EPHA4: variants seen among roughly 807,000 people sequenced by gnomAD.
EPHA4 encodes ephrin type-A receptor 4.
Under a neutral mutation model 108.3 loss-of-function variants are expected in EPHA4, and 19 were observed. The observed-to-expected ratio is 0.18, with a 90% CI of 0.12 to 0.26. The LOEUF (loss-of-function observed/expected upper bound fraction) is 0.26, where lower values mean the gene tolerates loss of function less well. Among genes scored for constraint, EPHA4 ranks in the 10% least tolerant of loss-of-function variants. The pLI is 1.00. For missense variants in EPHA4, 917 were observed against 1,254.0 expected (o/e 0.73, Z 4.06); for synonymous variants, 449 against 455.5 (o/e 0.99, Z 0.18).
rs761616774 is a variant in EPHA4 at position 221,572,177 on chromosome 2, C to T, written c.72G>A (p.Arg24=). The change falls in exon 1 of 18, where the codon AGG becomes AGA. Residue 24 remains arginine (R), a synonymous_variant. Coordinates refer to ENST00000281821, the MANE Select transcript of EPHA4 (RefSeq NM_004438.5). ...TCTTACCTTCATTCGCGGGGTATAC[C>T]CTGGAACCTGTGACAGCGTCGCAAA... ...FGICDAVTGS[R]VYPANEVTLL... 1 of 1,614,056 alleles carries T rather than the reference C, an allele frequency of 6.2e-7. No individual in the cohort carries two copies. The highest frequency in any genetic ancestry group is 1.1e-5 in the South Asian group (1 of 91,088).
At chr2:221,435,723 C>T (rs1416823089) in intron 13 of EPHA4, among the ~76,000 whole-genome samples, 1 of 152,104 alleles carries the variant, frequency 6.6e-6, no homozygotes, top group Non-Finnish European at 1.5e-5. Flanking sequence ...ACTTAAAACT[C>T]TTCACTGTGT....
chr2:221,479,699 T>C (rs1691762063), intron 5 of EPHA4, among the ~76,000 whole-genome samples: 1 of 152,214 alleles, frequency 6.6e-6, no homozygotes, highest in Non-Finnish European at 1.5e-5. Context: ...GGTTTGTTAA[T>C]CAAAGATAAA....
chr2:221,472,013 A>G (rs1691500770), intron 5 of EPHA4, among the ~76,000 whole-genome samples: 1 of 152,152 alleles, frequency 6.6e-6, no homozygotes, highest in Non-Finnish European at 1.5e-5. Context: ...CCTCCTGGGA[A>G]CCCTATAGGA....
At chr2:221,572,307 G>C, upstream of EPHA4, 1 of 1,475,698 alleles carries the variant, frequency 6.8e-7, no homozygotes, top group Non-Finnish European at 9.5e-7. Flanking sequence ...AAATGCTTAA[G>C]TTAGGAGAGC....
chr2:221,505,264 G>A (rs1388856996), intron 3 of EPHA4, among the ~76,000 whole-genome samples: 1 of 152,082 alleles, frequency 6.6e-6, no homozygotes, highest in African/African-American at 2.4e-5. Flanking sequence ...CATGTTGAAA[G>A]CAATAATGTT....
In EPHA4 at chr2:221,564,254, C is replaced by A; in HGVS notation, c.300G>T (p.Glu100Asp). The change falls in exon 3 of 18, where the codon GAG becomes GAT. Residue 100 changes from glutamate (E) to aspartate (D), a missense_variant. Coordinates refer to ENST00000281821, the MANE Select transcript of EPHA4 (RefSeq NM_004438.5). ...TREGAQRVYI[E>D]IKFTLRDCNS... is the part of the protein sequence containing the mutation. ...TGCAGTCCCTCAAGGTGAATTTAAT[C>A]TCAATATACACCCTCTGAGCCCCTT... The A allele has an allele frequency of 1.9e-6, 3 of 1,614,156 alleles. No individual in the cohort carries two copies. The highest frequency in any genetic ancestry group is 2.5e-6 in the Non-Finnish European group (3 of 1,180,022).
chr2:221,553,601 C>T (rs1292204072), intron 3 of EPHA4, among the ~76,000 whole-genome samples: 1 of 152,184 alleles, frequency 6.6e-6, no homozygotes, highest in African/African-American at 2.4e-5. Flanking sequence ...GCGATTGTTA[C>T]AGAAACATTT....
At chr2:221,502,650 A>C (rs1692517997) in intron 3 of EPHA4, 1 of 467,430 alleles carries the variant, frequency 2.1e-6, no homozygotes, top group African/African-American at 2.0e-5. Flanking sequence ...AGTCTGTTCC[A>C]CCCACTCGCA....
At chr2:221,522,036 A>C (rs979091247) in intron 3 of EPHA4, among the ~76,000 whole-genome samples, 1 of 152,186 alleles carries the variant, frequency 6.6e-6, no homozygotes, top group Non-Finnish European at 1.5e-5. Context: ...AATAGGCCGG[A>C]AATACAGAGC....
chr2:221,456,456 A>G (rs901647750), intron 7 of EPHA4, among the ~76,000 whole-genome samples, 157 bp downstream of exon 7: 6 of 152,234 alleles, frequency 3.9e-5, no homozygotes, highest in Non-Finnish European at 8.8e-5. Context: ...TTTCTAAGTT[A>G]CAGACATTGG....
At chr2:221,509,407 A>C (rs1029043163) in intron 3 of EPHA4, among the ~76,000 whole-genome samples, 4 of 152,200 alleles carry the variant, frequency 2.6e-5, no homozygotes, top group Admixed American at 2.6e-4. Flanking sequence ...TGAGGAGACT[A>C]AACTCCAAAA....
intron 3 of EPHA4, among the ~76,000 whole-genome samples, chr2:221,555,451 G>A (rs574922273): frequency 6.6e-6 from 1 of 152,282 alleles, no homozygotes; most frequent in African/African-American, 2.4e-5. Context: ...GACAGCTGAC[G>A]ACCTGCATTC....
chr2:221,490,145 C>CAA (rs34398551), intron 4 of EPHA4, among the ~76,000 whole-genome samples: 8 of 102,778 alleles, frequency 7.8e-5, no homozygotes, highest in Non-Finnish European at 1.2e-4. Context: ...GACCCTGTCT[C>CAA]AAAAAAAAAA....
chr2:221,422,755 C>G (rs920677613), intron 17 of EPHA4, among the ~76,000 whole-genome samples: 3 of 152,158 alleles, frequency 2.0e-5, no homozygotes, highest in Admixed American at 2.0e-4. Context: ...ACTAAATAAA[C>G]AAAGGCTTGT....
At chr2:221,521,977 A>G (rs1693178695) in intron 3 of EPHA4, among the ~76,000 whole-genome samples, 1 of 152,192 alleles carries the variant, frequency 6.6e-6, no homozygotes, top group African/African-American at 2.4e-5. Flanking sequence ...ACTCCATCTC[A>G]ATAAATTAAA....
At chr2:221,572,306 A>G, upstream of EPHA4, 1 of 1,477,128 alleles carries the variant, frequency 6.8e-7, no homozygotes, top group Non-Finnish European at 9.5e-7. Context: ...TAAATGCTTA[A>G]GTTAGGAGAG....
chr2:221,455,809 C>A, intron 7 of EPHA4, 151 bp from the exon 8 acceptor site: 1 of 630,878 alleles, frequency 1.6e-6, no homozygotes, highest in East Asian at 2.8e-5. Context: ...GAATGTACCT[C>A]CTTCCCCGAG....
intron 3 of EPHA4, among the ~76,000 whole-genome samples, chr2:221,551,812 G>A (rs1694171148): frequency 6.6e-6 from 1 of 151,954 alleles, no homozygotes; most frequent in Non-Finnish European, 1.5e-5. Context: ...CAAAGATAAT[G>A]TTTTCACTTC....
intron 8 of EPHA4, among the ~76,000 whole-genome samples, chr2:221,455,035 A>C (rs1353546733): frequency 2.6e-5 from 4 of 152,192 alleles, no homozygotes; most frequent in African/African-American, 9.7e-5. Flanking sequence ...ATCATGCTGA[A>C]GCACCTCCTG....
Sources: gnomAD v4.1 joint callset for allele counts (sites outside exome capture counted in the v4.1 genomes callset) on GRCh38, gnomAD v4.1.1 for gene constraint, MANE v1.5 for transcripts, NCBI Gene and HGNC (gene_info 2026-07-23, HGNC 2026-07-21) for gene names.